The following GRIK4 variants were observed in gnomAD, a reference collection of about 807,000 sequenced individuals.
GRIK4 encodes the protein glutamate receptor ionotropic, kainate 4.
GRIK4 carries 40 observed loss-of-function variants against 104.9 expected under a neutral mutation model. The observed-to-expected ratio is 0.38, with a 90% confidence interval of 0.30 to 0.50. The LOEUF (loss-of-function observed/expected upper bound fraction) is 0.50. Among genes scored for constraint, GRIK4 ranks in the 20% least tolerant of loss-of-function variants. GRIK4 has a pLI of 0.93. For synonymous variants in GRIK4, 485 were observed against 524.9 expected (o/e 0.92, Z 1.04); for missense variants, 1,047 against 1,308.1 (o/e 0.80, Z 3.08).
intron 3 of GRIK4, among the ~76,000 whole-genome samples, chr11:120,777,503 C>T (rs770279028): frequency 9.2e-5 from 14 of 152,220 alleles, no homozygotes; most frequent in East Asian, 1.9e-4. Flanking sequence ...ACTGTGTGCC[C>T]GGCACGGGGT....
chr11:120,584,223 G>A (rs1487435518), intron 1 of GRIK4, among the ~76,000 whole-genome samples: 1 of 152,208 alleles, frequency 6.6e-6, no homozygotes, highest in Non-Finnish European at 1.5e-5. Flanking sequence ...TAGTACTGCA[G>A]GGGAATGCTT....
At chr11:120,688,571 G>A (rs927867461) in intron 3 of GRIK4, among the ~76,000 whole-genome samples, 2 of 152,152 alleles carry the variant, frequency 1.3e-5, no homozygotes, top group Non-Finnish European at 2.9e-5. Context: ...AGGAGGCCTC[G>A]ATACTTCATC....
chr11:120,644,762 G>A (rs1316269387), intron 1 of GRIK4, among the ~76,000 whole-genome samples: 2 of 152,148 alleles, frequency 1.3e-5, no homozygotes, highest in African/African-American at 2.4e-5. Flanking sequence ...CAATGAGGAC[G>A]ATCAAAGACA....
At chr11:120,749,327 C>T (rs913957622) in intron 3 of GRIK4, among the ~76,000 whole-genome samples, 1 of 152,186 alleles carries the variant, frequency 6.6e-6, no homozygotes, top group East Asian at 1.9e-4. Context: ...AAGAAGCCCC[C>T]TCCTCTCTTC....
chr11:120,685,956 TGTGCGC>T (rs1367818181), intron 3 of GRIK4, among the ~76,000 whole-genome samples: 4 of 152,154 alleles, frequency 2.6e-5, no homozygotes, highest in African/African-American at 9.7e-5. Flanking sequence ...CAACTCCAGC[TGTGCGC>T]AGAGTTCAAC....
intron 8 of GRIK4, among the ~76,000 whole-genome samples, chr11:120,851,655 C>T (rs1953976868): frequency 6.6e-6 from 1 of 152,138 alleles, no homozygotes; most frequent in Non-Finnish European, 1.5e-5. Flanking sequence ...TAACTAAGAT[C>T]TAAAAAGTGT....
At chr11:120,655,867 C>T (rs116190226) in intron 2 of GRIK4, among the ~76,000 whole-genome samples, 2,078 of 152,188 alleles carry the variant, frequency 0.014, 59 homozygotes, top group African/African-American at 0.045. Context: ...GTGGAGACTA[C>T]GCCTTCTTTT....
At position 120,841,473 on chromosome 11, in the gene GRIK4, G is replaced by A. The variant is rs375308981; in HGVS notation, c.744+4629G>A. Reference sequence around the variant, plus strand: ...TAAGGCCAAATAATATACTATGTGTGTGTAGACACACACATACCAGATTTT... The same window carrying A: ...TAAGGCCAAATAATATACTATGTGTATGTAGACACACACATACCAGATTTT... On this transcript the variant is annotated intron_variant, in intron 8 of 20. Coordinates refer to ENST00000527524, the MANE Select transcript of GRIK4 (RefSeq NM_014619.5). Among the ~76,000 whole-genome samples, 6 of 152,322 alleles carry A rather than the reference G, an allele frequency of 3.9e-5. No homozygotes were observed. The East Asian group carries it at 5.8e-4, about 15-fold the overall frequency.
intron 1 of GRIK4, among the ~76,000 whole-genome samples, chr11:120,591,058 CT>C (rs1256066308): frequency 6.6e-6 from 1 of 152,132 alleles, no homozygotes; most frequent in African/African-American, 2.4e-5. Context: ...CTGCTTCCTT[CT>C]CACACTGGAA....
intron 8 of GRIK4, among the ~76,000 whole-genome samples, chr11:120,849,865 A>C (rs566631981): frequency 5.8e-4 from 88 of 152,380 alleles, no homozygotes; most frequent in Middle Eastern, 3.4e-3. Context: ...CATATAGGTC[A>C]GAAGTCCAGC....
chr11:120,786,543 T>G (rs1268181771), intron 3 of GRIK4, among the ~76,000 whole-genome samples: 1 of 152,206 alleles, frequency 6.6e-6, no homozygotes, highest in East Asian at 1.9e-4. Flanking sequence ...CCCACCCACC[T>G]GATCACCTCC....
intron 4 of GRIK4, among the ~76,000 whole-genome samples, 161 bp downstream of exon 4, chr11:120,803,018 A>G (rs1299783841): frequency 1.3e-5 from 2 of 152,242 alleles, no homozygotes; most frequent in Non-Finnish European, 2.9e-5. Context: ...TGAAGCTCTC[A>G]GCCTGGATGA....
chr11:120,738,318 C>G (rs1013638184), intron 3 of GRIK4, among the ~76,000 whole-genome samples: 3 of 152,176 alleles, frequency 2.0e-5, no homozygotes, highest in African/African-American at 7.2e-5. Context: ...GTGGCAATAG[C>G]CTAGCAGAGT....
At chr11:120,599,790 A>G (rs1948857974) in intron 1 of GRIK4, among the ~76,000 whole-genome samples, 1 of 152,222 alleles carries the variant, frequency 6.6e-6, no homozygotes, top group Non-Finnish European at 1.5e-5. Context: ...TAGGAGCTAC[A>G]AACACCTTGG....
intron 3 of GRIK4, among the ~76,000 whole-genome samples, chr11:120,758,242 G>C (rs931061113): frequency 6.6e-6 from 1 of 152,156 alleles, no homozygotes; most frequent in African/African-American, 2.4e-5. Flanking sequence ...GGGGGCCCCT[G>C]TGCCTAACAT....
chr11:120,732,187 A>G (rs1951143075), intron 3 of GRIK4, among the ~76,000 whole-genome samples: 1 of 152,192 alleles, frequency 6.6e-6, no homozygotes, highest in African/African-American at 2.4e-5. Flanking sequence ...ACTGCAGTGC[A>G]GTGGTGCATT....
chr11:120,755,812 T>G (rs559613173), intron 3 of GRIK4, among the ~76,000 whole-genome samples: 107 of 152,046 alleles, frequency 7.0e-4, no homozygotes, highest in African/African-American at 2.4e-3. Flanking sequence ...AGAGTTGGGG[T>G]GGATGCCTTC....
In GRIK4 at chr11:120,524,081, C is replaced by A. The variant is rs1053718478; in HGVS notation, c.-159+12194C>A. Among the ~76,000 whole-genome samples, 45 of 152,276 alleles carry A rather than the reference C, an allele frequency of 3.0e-4. No homozygotes were observed. The highest frequency in any genetic ancestry group is 1.1e-3 in the African/African-American group (44 of 41,552). ...AGCTGGGACTACAGGCGCACACCAC[C>A]ATGCCTGGCTAATTTTTTGTATTTT... is the stretch of plus-strand genomic sequence containing the variant. On this transcript the variant is annotated intron_variant, in intron 1 of 20. Transcript: ENST00000527524. The surrounding 1 kb of genome is among the most constrained non-coding windows in gnomAD (Gnocchi z 4.5).
At chr11:120,541,213 C>G (rs754025906) in intron 1 of GRIK4, among the ~76,000 whole-genome samples, 1 of 152,252 alleles carries the variant, frequency 6.6e-6, no homozygotes, top group Middle Eastern at 3.2e-3. Context: ...AGACCCAGCT[C>G]AAGTCTTTGC....
Sources: gnomAD v4.1 joint callset for allele counts (sites outside exome capture counted in the v4.1 genomes callset) on GRCh38, gnomAD v4.1.1 for gene constraint, Gnocchi (gnomAD v3.1) non-coding constraint, MANE v1.5 for transcripts, NCBI Gene and HGNC (gene_info 2026-07-23, HGNC 2026-07-21) for gene names.